Variants in GRID2 observed in about 807,000 individuals in gnomAD.
GRID2 encodes the protein glutamate ionotropic receptor delta type subunit 2, also known as glutamate receptor ionotropic, delta-2.
Under a neutral mutation model 114.8 loss-of-function variants are expected in GRID2, and 33 were observed. The observed-to-expected ratio is 0.29, with a 90% CI of 0.22 to 0.38. The LOEUF is 0.38. Ranked by LOEUF, GRID2 falls within the 10% of genes least tolerant of loss-of-function variation. GRID2 has a pLI of 1.00. For missense variants in GRID2, 1,184 were observed against 1,257.7 expected (o/e 0.94, Z 0.89); for synonymous variants, 505 against 449.9 (o/e 1.12, Z -1.55).
At chr4:92,441,633 G>T (rs1410981197) in intron 1 of GRID2, among the ~76,000 whole-genome samples, 1 of 152,080 alleles carries the variant, frequency 6.6e-6, no homozygotes, top group Non-Finnish European at 1.5e-5. Flanking sequence ...AGAGTTTATA[G>T]GCTTTGAAAG....
rs190926291 is a variant in GRID2, at chr4:93,066,822, T to G, written c.245-18173T>G. ...CATTGCTCTTGCACTTTGGGGCCAC[T>G]ATGACGTAAAATAAGAGTTACTTGA... On this transcript the variant is annotated intron_variant, in intron 2 of 15. Coordinates refer to ENST00000282020, the MANE Select transcript of GRID2 (RefSeq NM_001510.4). Among the ~76,000 whole-genome samples the G allele has an allele frequency of 3.0e-4, 45 of 152,106 alleles. 1 individual carries two copies. The highest frequency in any genetic ancestry group is 3.0e-3 in the Admixed American group (45 of 15,214).
chr4:93,378,797 A>G (rs1420809115), intron 8 of GRID2, among the ~76,000 whole-genome samples: 3 of 151,996 alleles, frequency 2.0e-5, no homozygotes, highest in Non-Finnish European at 4.4e-5. Context: ...CTGGTGCTCT[A>G]TTCTGCTGTG....
chr4:92,913,870 GACT>G (rs778800176), intron 2 of GRID2, among the ~76,000 whole-genome samples: 12 of 152,042 alleles, frequency 7.9e-5, no homozygotes, highest in Non-Finnish European at 1.0e-4. Flanking sequence ...CACAAAAAAT[GACT>G]ACTATTTTTT....
intron 9 of GRID2, among the ~76,000 whole-genome samples, chr4:93,402,678 T>C (rs1766012911): frequency 6.6e-6 from 1 of 152,056 alleles, no homozygotes; most frequent in Admixed American, 6.6e-5. Context: ...TGGTACTTCC[T>C]AGAGGAAAAA....
chr4:92,633,014 G>A (rs1174377507), intron 2 of GRID2, among the ~76,000 whole-genome samples: 1 of 152,160 alleles, frequency 6.6e-6, no homozygotes, highest in African/African-American at 2.4e-5. Flanking sequence ...TGAGACAGAT[G>A]TAGCACCAAA....
chr4:92,343,257 A>G (rs1727600262), intron 1 of GRID2, among the ~76,000 whole-genome samples: 1 of 151,764 alleles, frequency 6.6e-6, no homozygotes, highest in African/African-American at 2.4e-5. Flanking sequence ...AAAAGCTCAA[A>G]TCAAATCAAC....
At chr4:93,099,476 A>G (rs769635768) in intron 3 of GRID2, among the ~76,000 whole-genome samples, 25 of 151,880 alleles carry the variant, frequency 1.6e-4, no homozygotes, top group Middle Eastern at 3.2e-3. Context: ...GTAATTTGTT[A>G]AACTAATTTT....
intron 2 of GRID2, among the ~76,000 whole-genome samples, chr4:92,646,406 G>A (rs1731626810): frequency 6.6e-6 from 1 of 152,198 alleles, no homozygotes; most frequent in Non-Finnish European, 1.5e-5. Flanking sequence ...GTACAGAGCA[G>A]TAGTTTCTAA....
chr4:93,326,755 T>G (rs1757878978), intron 8 of GRID2, among the ~76,000 whole-genome samples: 1 of 152,196 alleles, frequency 6.6e-6, no homozygotes, highest in South Asian at 2.1e-4. Context: ...TCTCTAGGAT[T>G]GACCCAAGGA....
At chr4:92,327,767 G>A (rs906954676) in intron 1 of GRID2, among the ~76,000 whole-genome samples, 4 of 151,648 alleles carry the variant, frequency 2.6e-5, no homozygotes, top group Admixed American at 2.0e-4. Flanking sequence ...CCTCTAATCC[G>A]CAAGACATTT....
At chr4:93,009,537 C>T (rs1164762707) in intron 2 of GRID2, among the ~76,000 whole-genome samples, 5 of 152,052 alleles carry the variant, frequency 3.3e-5, no homozygotes, top group African/African-American at 1.2e-4. Context: ...TCATAATCTT[C>T]TTGATTTTCA....
chr4:92,798,752 T>C (rs865807944), intron 2 of GRID2, among the ~76,000 whole-genome samples: 19 of 152,038 alleles, frequency 1.2e-4, no homozygotes, highest in African/African-American at 4.6e-4. Context: ...TCCCACTCAA[T>C]AGATACAGGA....
chr4:92,401,708 C>A (rs530880241), intron 1 of GRID2, among the ~76,000 whole-genome samples: 1 of 152,266 alleles, frequency 6.6e-6, no homozygotes, highest in East Asian at 1.9e-4. Context: ...ATCATCTGAG[C>A]ATTCATTGAG....
intron 13 of GRID2, among the ~76,000 whole-genome samples, chr4:93,594,829 A>G (rs1351463434): frequency 6.7e-6 from 1 of 149,066 alleles, no homozygotes; most frequent in Non-Finnish European, 1.5e-5. Flanking sequence ...GGTGCCGTCC[A>G]TCACCCCTTT....
chr4:93,080,355 G>A (rs1250337970), intron 2 of GRID2, among the ~76,000 whole-genome samples: 2 of 152,076 alleles, frequency 1.3e-5, no homozygotes, highest in Non-Finnish European at 2.9e-5. Flanking sequence ...GGTCATTGTT[G>A]AGTATGACTG....
intron 2 of GRID2, among the ~76,000 whole-genome samples, chr4:92,810,026 C>A (rs1740596941): frequency 6.6e-6 from 1 of 151,888 alleles, no homozygotes; most frequent in Non-Finnish European, 1.5e-5. Context: ...GATAATTCTT[C>A]AACTTTAAAC....
rs1255149439 is a variant in GRID2 at position 93,106,909 on chromosome 4, G to T, written c.530-3839G>T. Among the ~76,000 whole-genome samples the T allele has an allele frequency of 3.3e-5, 5 of 152,068 alleles. No homozygotes were observed. In the East Asian group the frequency reaches 9.6e-4, roughly 29 times the overall value. ...GTCATGTTCTTTACTAACAATAAAGGAATTACAATATGTTAGACCCTACAC... is the reference window on the plus strand; with the variant it reads ...GTCATGTTCTTTACTAACAATAAAGTAATTACAATATGTTAGACCCTACAC... On this transcript the variant is annotated intron_variant, in intron 3 of 15. Coordinates refer to ENST00000282020, the MANE Select transcript of GRID2 (RefSeq NM_001510.4).
At chr4:92,678,647 TAA>T (rs77009969) in intron 2 of GRID2, among the ~76,000 whole-genome samples, 3 of 145,552 alleles carry the variant, frequency 2.1e-5, no homozygotes, top group East Asian at 4.0e-4. Flanking sequence ...ATGAGCACCT[TAA>T]AAAAAAAAAC....
intron 2 of GRID2, among the ~76,000 whole-genome samples, chr4:92,903,581 C>T (rs908571948): frequency 1.3e-5 from 2 of 151,850 alleles, no homozygotes; most frequent in African/African-American, 4.8e-5. Context: ...TTATTTTTGG[C>T]TAGGAATAAA....
Sources: gnomAD v4.1 joint callset for allele counts (sites outside exome capture counted in the v4.1 genomes callset) on GRCh38, gnomAD v4.1.1 for gene constraint, MANE v1.5 for transcripts, NCBI Gene and HGNC (gene_info 2026-07-23, HGNC 2026-07-21) for gene names.